Variants in HAPLN2 observed in about 807,000 individuals in gnomAD.
The protein encoded by HAPLN2 is hyaluronan and proteoglycan link protein 2.
In HAPLN2, 27 loss-of-function variants were observed where a neutral mutation model predicts 29.3. The observed-to-expected ratio is 0.92, with a 90% CI of 0.68 to 1.27. HAPLN2 has a LOEUF of 1.27. Among genes scored for constraint, HAPLN2 ranks in the 50% most tolerant of loss-of-function variants. The pLI, the probability that HAPLN2 is intolerant of heterozygous loss-of-function variation, is 0.00. For missense variants in HAPLN2, 454 were observed against 484.3 expected (o/e 0.94, Z 0.59); for synonymous variants, 208 against 211.7 (o/e 0.98, Z 0.15).
chr1:156,623,612 T>C lies in HAPLN2; in HGVS notation c.85+37T>C, dbSNP rs770247265. On this transcript the variant is annotated intron_variant, in intron 3 of 6. Transcript: ENST00000255039. ...GCCCAGGCCAGAATCTGGGGGAGGC[T>C]TGGGGAGACTGCAAGGGTGGGGAAA... 4 of 1,612,272 alleles carry C rather than the reference T, an allele frequency of 2.5e-6. No individual in the cohort carries two copies. The South Asian group carries it at 3.3e-5, about 13-fold the overall frequency.
In HAPLN2 at chr1:156,625,281, C is replaced by T; in HGVS notation, c.920C>T (p.Pro307Leu). 3 of 1,576,608 alleles carry T rather than the reference C, an allele frequency of 1.9e-6. No individual in the cohort carries two copies. Among genetic ancestry groups the T allele is most frequent in the Non-Finnish European group, 2.6e-6 (3 of 1,162,230 alleles). Residue 307 changes from proline (P) to leucine (L), a missense_variant, in exon 7 of 7, where the codon CCG becomes CTG. Coordinates refer to ENST00000255039, the MANE Select transcript of HAPLN2 (RefSeq NM_021817.3). This position sits in a 1 kb window ranked among gnomAD's most constrained non-coding sequence, Gnocchi z 5.7. ...AGTGTGCGCTTCCCAATCACCACGC[C>T]GAGGCCGCGCTGCGGGGGGCTCCCG... ...DGSVRFPITT[P>L]RPRCGGLPDP... is the part of the protein sequence containing the mutation.
At chr1:156,610,017 C>T in the HAPLN2 span, among the ~76,000 whole-genome samples, 5 of 151,172 alleles carry the variant, frequency 3.3e-5, no homozygotes, top group East Asian at 2.0e-4. Context: ...AGATGGAGAC[C>T]GTCTTGACCA....
At chr1:156,623,780 C>G (rs774850054) in intron 3 of HAPLN2, 27 bp from the exon 4 acceptor site, 3 of 1,475,948 alleles carry the variant, frequency 2.0e-6, no homozygotes, top group East Asian at 4.8e-5. Context: ...ATTGGGGGTT[C>G]CTGCCACTGT....
chr1:156,601,592 T>G, the HAPLN2 span: 1 of 831,350 alleles, frequency 1.2e-6, no homozygotes, highest in Non-Finnish European at 1.9e-6. Flanking sequence ...ATGGTTGCCA[T>G]AGAAACTGGG....
chr1:156,608,920 A>G, the HAPLN2 span, among the ~76,000 whole-genome samples: 1 of 152,172 alleles, frequency 6.6e-6, no homozygotes, highest in African/African-American at 2.4e-5. Context: ...ATACATCAGT[A>G]AAGATGCTGT....
chr1:156,624,451 C>T lies in HAPLN2; in HGVS notation c.540C>T (p.Tyr180=). The T allele has an allele frequency of 6.2e-7, 1 of 1,612,752 alleles. No individual in the cohort carries two copies. The highest frequency in any genetic ancestry group is 1.1e-5 in the South Asian group (1 of 90,740). The change falls in exon 5 of 7, where the codon TAC becomes TAT. Residue 180 remains tyrosine, a synonymous_variant. Transcript: ENST00000255039. ...AGCAGGACGGACGCCTGGCCACCTA[C>T]TCCCAGCTCTACCAGGGTGAGCGGC... ...CEEQDGRLAT[Y]SQLYQAWTEG...
the HAPLN2 span, among the ~76,000 whole-genome samples, chr1:156,603,492 G>T: frequency 6.8e-6 from 1 of 146,092 alleles, no homozygotes; most frequent in Non-Finnish European, 1.5e-5. Flanking sequence ...AAAATTGTAT[G>T]TTATATAGAA....
the HAPLN2 span, among the ~76,000 whole-genome samples, chr1:156,605,279 AAGAG>A: frequency 4.0e-5 from 6 of 151,436 alleles, no homozygotes; most frequent in Non-Finnish European, 7.4e-5. Context: ...AAGAAAAAAA[AAGAG>A]AGAGAAAAGA....
At chr1:156,617,786 GT>G (rs1342635124), upstream of HAPLN2, among the ~76,000 whole-genome samples, 2 of 151,780 alleles carry the variant, frequency 1.3e-5, no homozygotes, top group African/African-American at 4.8e-5. Flanking sequence ...CTACATGGCT[GT>G]TTACAGGGGC....
the HAPLN2 span, among the ~76,000 whole-genome samples, chr1:156,609,251 G>A: frequency 6.6e-6 from 1 of 152,190 alleles, no homozygotes; most frequent in African/African-American, 2.4e-5. Flanking sequence ...CAGCACTGGG[G>A]ATACAGCCTT....
At chr1:156,608,932 GA>G in the HAPLN2 span, among the ~76,000 whole-genome samples, 1 of 152,296 alleles carries the variant, frequency 6.6e-6, no homozygotes, top group East Asian at 1.9e-4. Context: ...AGATGCTGTG[GA>G]AAAATTTCTG....
chr1:156,624,427 G>A lies in HAPLN2; in HGVS notation c.516G>A (p.Glu172=). Residue 172 remains glutamate (E), a synonymous_variant, in exon 5 of 7, where the codon GAG becomes GAA. Coordinates refer to ENST00000255039, the MANE Select transcript of HAPLN2 (RefSeq NM_021817.3). ...NYYEAKQACE[E]QDGRLATYSQ... is the part of the protein sequence containing the mutation. ...ACGAGGCGAAGCAGGCGTGCGAGGA[G>A]CAGGACGGACGCCTGGCCACCTACT... 6.2e-7 allele frequency: 1 copy of A among 1,612,244 alleles called. No individual in the cohort carries two copies. The highest frequency in any genetic ancestry group is 1.3e-5 in the African/African-American group (1 of 75,000).
rs781668667 is a variant in HAPLN2, at chr1:156,624,436, A to T, written c.525A>T (p.Gly175=). 2 of 1,612,324 alleles carry T rather than the reference A, an allele frequency of 1.2e-6. No individual in the cohort carries two copies. Among genetic ancestry groups the T allele is most frequent in the South Asian group, 2.2e-5 (2 of 90,632 alleles). The change falls in exon 5 of 7, where the codon GGA becomes GGT. Residue 175 remains glycine (G), a synonymous_variant. Transcript: ENST00000255039. ...AGCAGGCGTGCGAGGAGCAGGACGG[A>T]CGCCTGGCCACCTACTCCCAGCTCT... ...EAKQACEEQD[G]RLATYSQLYQ...
At chr1:156,611,498 G>A in the HAPLN2 span, among the ~76,000 whole-genome samples, 1 of 152,086 alleles carries the variant, frequency 6.6e-6, no homozygotes, top group African/African-American at 2.4e-5. Flanking sequence ...CTGGGAAGTG[G>A]AAGTTGCAGT....
chr1:156,618,402 C>T (rs932565672), upstream of HAPLN2, among the ~76,000 whole-genome samples: 3 of 151,104 alleles, frequency 2.0e-5, no homozygotes, highest in Admixed American at 6.6e-5. Flanking sequence ...TCTCTTGAGC[C>T]CAGGTGTTCG....
chr1:156,622,886 T>G (rs564716885), intron 2 of HAPLN2, among the ~76,000 whole-genome samples: 4 of 151,322 alleles, frequency 2.6e-5, no homozygotes, highest in East Asian at 1.9e-4. Context: ...AAGAAACAAT[T>G]AGCTGGGTGT....
chr1:156,615,330 G>A (rs1487235984), upstream of HAPLN2: 2 of 152,188 alleles, frequency 1.3e-5, no homozygotes, highest in Non-Finnish European at 2.9e-5. Context: ...GGCCAGGAGT[G>A]GAGTCTAGGA....
chr1:156,609,780 G>A, the HAPLN2 span, among the ~76,000 whole-genome samples: 1 of 152,138 alleles, frequency 6.6e-6, no homozygotes, highest in Non-Finnish European at 1.5e-5. Context: ...GTGGGAGGAG[G>A]GTGAGGATTG....
chr1:156,618,758 G>A (rs146012697), upstream of HAPLN2, among the ~76,000 whole-genome samples: 74 of 118,814 alleles, frequency 6.2e-4, 1 homozygote, highest in East Asian at 0.02. Context: ...CAGCCTGAGC[G>A]ACAGTGCGAG....
Sources: allele counts gnomAD v4.1 joint callset (sites outside exome capture counted in the v4.1 genomes callset), GRCh38; gene constraint gnomAD v4.1.1; non-coding constraint Gnocchi (gnomAD v3.1); transcripts MANE v1.5; gene names NCBI Gene and HGNC (gene_info 2026-07-23, HGNC 2026-07-21).